Variants in AP2B1 observed in about 807,000 individuals in gnomAD.
AP2B1 encodes the protein AP-2 complex subunit beta.
In AP2B1, 23 loss-of-function variants were observed where a neutral mutation model predicts 102.0. The ratio of observed to expected loss-of-function variants is 0.23; its 90% confidence interval spans 0.16 to 0.32. The LOEUF (loss-of-function observed/expected upper bound fraction) is 0.32, where lower values mean the gene tolerates loss of function less well. Ranked by LOEUF, AP2B1 falls within the 10% of genes least tolerant of loss-of-function variation. The pLI is 1.00. For missense variants in AP2B1, 541 were observed against 1,157.4 expected (o/e 0.47, Z 7.73); for synonymous variants, 381 against 421.2 (o/e 0.90, Z 1.17).
intron 18 of AP2B1, among the ~76,000 whole-genome samples, chr17:35,705,921 CATT>C (rs1215214824): frequency 6.6e-6 from 1 of 152,116 alleles, no homozygotes; most frequent in Non-Finnish European, 1.5e-5. Context: ...AATATTAACT[CATT>C]ATCCTCATAA....
chr17:35,589,191 G>T (rs1203851973), intron 1 of AP2B1, among the ~76,000 whole-genome samples: 3 of 152,150 alleles, frequency 2.0e-5, no homozygotes, highest in Non-Finnish European at 4.4e-5. Flanking sequence ...TATGAGCAAG[G>T]TAATACCTGA....
chr17:35,705,472 T>C (rs2076322010), intron 18 of AP2B1, among the ~76,000 whole-genome samples: 1 of 152,206 alleles, frequency 6.6e-6, no homozygotes, highest in Admixed American at 6.5e-5. Flanking sequence ...TATCCTTAAT[T>C]AGGATGCTGA....
At chr17:35,622,858 G>A (rs1330033509) in intron 5 of AP2B1, among the ~76,000 whole-genome samples, 7 of 151,952 alleles carry the variant, frequency 4.6e-5, no homozygotes, top group South Asian at 4.1e-4. Flanking sequence ...TAGAGACAGG[G>A]TTTCACCATG....
intron 17 of AP2B1, among the ~76,000 whole-genome samples, chr17:35,679,927 CTT>C (rs34182919): frequency 0.013 from 1,826 of 136,698 alleles, 17 homozygotes; most frequent in African/African-American, 0.037. Context: ...TGTGTAAACT[CTT>C]TTTTTTTTTT....
At chr17:35,588,243 G>A (rs1459562738) in intron 1 of AP2B1, among the ~76,000 whole-genome samples, 1 of 148,998 alleles carries the variant, frequency 6.7e-6, no homozygotes, top group African/African-American at 2.5e-5. Context: ...GGGGTGGGGT[G>A]GGGGGGGACA....
Position 35,640,243 on chromosome 17 carries a change from T to TTTA in AP2B1, c.1437+485_1437+486insATT, listed in dbSNP as rs1555566390. Reference sequence around the variant, plus strand: ...GTTTTACTGATTTTTTTTTTTTTTTTTTTTTTTTTTTTGAGACAGTTTCAC... The same window carrying TTTA: ...GTTTTACTGATTTTTTTTTTTTTTTTTTATTTTTTTTTTTTGAGACAGTTTCAC... On this transcript the variant is annotated intron_variant, in intron 11 of 21. Coordinates refer to ENST00000610402, the MANE Select transcript of AP2B1 (RefSeq NM_001030006.2). Among the ~76,000 whole-genome samples the TTTA allele has an allele frequency of 2.3e-3, 331 of 146,706 alleles. 5 individuals carry two copies. Among genetic ancestry groups the TTTA allele is most frequent in the African/African-American group, 7.5e-3 (295 of 39,494 alleles).
In AP2B1 at chr17:35,599,767, G is replaced by A. The variant is rs981433702; in HGVS notation, c.143+1432G>A. Among the ~76,000 whole-genome samples the A allele has an allele frequency of 7.9e-5, 12 of 152,064 alleles. No individual in the cohort carries two copies. In the East Asian group the frequency reaches 1.2e-3, roughly 15 times the overall value. ...AAAAAAAAATACAAAAAAATTAGCC[G>A]GGCATGGTGGCATGTGCCTGTAATC... is the stretch of plus-strand genomic sequence containing the variant. On this transcript the variant is annotated intron_variant, in intron 3 of 21. Coordinates refer to ENST00000610402, the MANE Select transcript of AP2B1 (RefSeq NM_001030006.2).
intron 20 of AP2B1, 141 bp from the exon 21 acceptor site, chr17:35,717,054 G>A: frequency 1.2e-6 from 1 of 863,348 alleles, no homozygotes; most frequent in Non-Finnish European, 1.8e-6. Context: ...GTGGGAGAAT[G>A]GCTTCTGAAG....
intron 18 of AP2B1, among the ~76,000 whole-genome samples, chr17:35,694,603 C>A (rs975312140): frequency 2.6e-5 from 4 of 151,986 alleles, no homozygotes; most frequent in African/African-American, 9.7e-5. Flanking sequence ...AGGCTGAGCG[C>A]CATGGCTCAC....
At chr17:35,617,054 T>C (rs533894258) in intron 5 of AP2B1, among the ~76,000 whole-genome samples, 1 of 152,264 alleles carries the variant, frequency 6.6e-6, no homozygotes, top group South Asian at 2.1e-4. Context: ...AACAAACACA[T>C]ATCCTTTTTT....
At chr17:35,605,606 G>A in intron 3 of AP2B1, 99 bp from the exon 4 acceptor site, 1 of 822,976 alleles carries the variant, frequency 1.2e-6, no homozygotes, top group Non-Finnish European at 2.0e-6. Flanking sequence ...ATTTGTTCTT[G>A]CATCAAATCA....
intron 18 of AP2B1, among the ~76,000 whole-genome samples, chr17:35,690,149 G>A (rs897260270): frequency 2.0e-5 from 3 of 151,306 alleles, no homozygotes; most frequent in Non-Finnish European, 1.5e-5. Flanking sequence ...TTTTCTCTCC[G>A]TTCTTCAGAC....
At chr17:35,595,385 A>C (rs968601132) in intron 2 of AP2B1, among the ~76,000 whole-genome samples, 1 of 152,024 alleles carries the variant, frequency 6.6e-6, no homozygotes, top group Non-Finnish European at 1.5e-5. Flanking sequence ...CTCTATGAAA[A>C]AAAATTTAAA....
chr17:35,711,410 CAA>C (rs782545206), intron 20 of AP2B1, among the ~76,000 whole-genome samples: 17 of 114,476 alleles, frequency 1.5e-4, no homozygotes, highest in Admixed American at 1.8e-4. Context: ...GCACAGAAAG[CAA>C]AAAAAAAAAA....
intron 12 of AP2B1, among the ~76,000 whole-genome samples, chr17:35,645,894 A>G (rs976093818): frequency 3.9e-5 from 6 of 152,160 alleles, no homozygotes; most frequent in Admixed American, 3.9e-4. Context: ...AGACGTTAGT[A>G]ATTATTCTTT....
intron 14 of AP2B1, among the ~76,000 whole-genome samples, chr17:35,663,160 A>G (rs2075394265): frequency 6.6e-6 from 1 of 152,138 alleles, no homozygotes; most frequent in African/African-American, 2.4e-5. Flanking sequence ...ATGACTTAAA[A>G]GTTTAGTTTT....
At chr17:35,680,669 C>T (rs141152359) in intron 17 of AP2B1, among the ~76,000 whole-genome samples, 63 of 150,852 alleles carry the variant, frequency 4.2e-4, no homozygotes, top group African/African-American at 1.4e-3. Flanking sequence ...AGCCACCATG[C>T]CCAGTCTATG....
intron 21 of AP2B1, among the ~76,000 whole-genome samples, chr17:35,722,689 A>C (rs1012997785): frequency 6.6e-6 from 1 of 152,216 alleles, no homozygotes; most frequent in East Asian, 1.9e-4. Flanking sequence ...GTGCTACATC[A>C]TTCAAGACAA....
At chr17:35,639,541 T>C (rs2074707568) in intron 10 of AP2B1, 54 bp from the exon 11 acceptor site, 2 of 1,531,780 alleles carry the variant, frequency 1.3e-6, no homozygotes, top group Admixed American at 2.0e-5. Flanking sequence ...CCTTCACTGT[T>C]AAATTAGTTC....
Sources: allele counts gnomAD v4.1 joint callset (sites outside exome capture counted in the v4.1 genomes callset), GRCh38; gene constraint gnomAD v4.1.1; transcripts MANE v1.5; gene names NCBI Gene and HGNC (gene_info 2026-07-23, HGNC 2026-07-21).